Variants in PDE11A observed in about 807,000 individuals in gnomAD.
The protein encoded by PDE11A is phosphodiesterase 11A.
In PDE11A, 100 loss-of-function variants were observed where a neutral mutation model predicts 100.5. The ratio of observed to expected loss-of-function variants is 1.00; its 90% CI spans 0.85 to 1.18. The LOEUF (loss-of-function observed/expected upper bound fraction) is 1.18. Among genes scored for constraint, PDE11A ranks in the 50% most tolerant of loss-of-function variants. The pLI, the probability that PDE11A is intolerant of heterozygous loss-of-function variation, is 0.00. For missense variants in PDE11A, 1,141 were observed against 1,152.6 expected, an observed-to-expected ratio of 0.99 and a Z score of 0.15; for synonymous variants, 381 against 420.8, an observed-to-expected ratio of 0.91 and a Z score of 1.16.
intron 1 of PDE11A, among the ~76,000 whole-genome samples, chr2:178,040,865 A>G (rs2086675252): frequency 6.6e-6 from 1 of 152,200 alleles, no homozygotes; most frequent in African/African-American, 2.4e-5. Context: ...ATAGTGTCTG[A>G]CATGCACGTA....
intron 1 of PDE11A, chr2:178,018,614 AGC>A: frequency 3.1e-6 from 1 of 320,998 alleles, no homozygotes. Context: ...GTGCAATCAT[AGC>A]TCACTTTCAT....
At chr2:177,853,709 TG>T in intron 5 of PDE11A, among the ~76,000 whole-genome samples, 1 of 19,680 alleles carries the variant, frequency 5.1e-5, no homozygotes, top group Non-Finnish European at 1.3e-4. Flanking sequence ...TGTGTGTGTG[TG>T]TGTTTGTGTG....
intron 5 of PDE11A, among the ~76,000 whole-genome samples, chr2:177,873,626 A>G (rs563355423): frequency 1.9e-4 from 29 of 152,276 alleles, no homozygotes; most frequent in African/African-American, 6.7e-4. Context: ...TGCAAGCAAG[A>G]CACAGCGTGG....
chr2:177,794,745 G>C (rs1230030479), intron 9 of PDE11A, among the ~76,000 whole-genome samples: 1 of 152,002 alleles, frequency 6.6e-6, no homozygotes, highest in Non-Finnish European at 1.5e-5. Context: ...AATGTCTGCT[G>C]TTTGTTAATT....
chr2:177,741,971 G>T (rs1383217624), intron 10 of PDE11A, among the ~76,000 whole-genome samples: 1 of 151,562 alleles, frequency 6.6e-6, no homozygotes, highest in South Asian at 2.1e-4. Context: ...GTTCAGGGCT[G>T]CAGTGAGCTA....
In PDE11A at chr2:177,762,143, T is replaced by C. The variant is rs1037312975; in HGVS notation, c.1788+7180A>G. ...GTTTGGAAGGCAGAATGGACGGGAC[T>C]GCATGTGGGGGCGGGCAGTGATGAG... On this transcript the variant is annotated intron_variant, in intron 10 of 19. Coordinates refer to ENST00000286063, the MANE Select transcript of PDE11A (RefSeq NM_016953.4). Among the ~76,000 whole-genome samples, 37 of 152,232 alleles carry C rather than the reference T, an allele frequency of 2.4e-4. No individual in the cohort carries two copies. In the Middle Eastern group the frequency reaches 0.01, roughly 42 times the overall value.
intron 2 of PDE11A, among the ~76,000 whole-genome samples, chr2:178,096,435 A>G (rs1253614742): frequency 6.6e-6 from 1 of 151,548 alleles, no homozygotes; most frequent in Non-Finnish European, 1.5e-5. Context: ...GGCCTCCCAA[A>G]GTGCTGGGAT....
At chr2:177,656,907 G>A (rs1199370263) in intron 19 of PDE11A, among the ~76,000 whole-genome samples, 1 of 152,162 alleles carries the variant, frequency 6.6e-6, no homozygotes, top group Non-Finnish European at 1.5e-5. Flanking sequence ...TAAGGAAGTG[G>A]GCAGGGTGAA....
intron 2 of PDE11A, among the ~76,000 whole-genome samples, chr2:177,990,660 C>T (rs1281160707): frequency 6.6e-6 from 1 of 151,428 alleles, no homozygotes; most frequent in East Asian, 1.9e-4. Flanking sequence ...ATTGCTTGAA[C>T]ACAGGAAGTA....
intron 1 of PDE11A, among the ~76,000 whole-genome samples, chr2:178,032,409 G>A (rs1227391749): frequency 6.6e-5 from 10 of 151,924 alleles, no homozygotes; most frequent in South Asian, 2.1e-4. Context: ...GCTTGAACCC[G>A]GGAGGCAGAG....
At chr2:178,078,575 T>C (rs954792744) in intron 2 of PDE11A, among the ~76,000 whole-genome samples, 1 of 152,140 alleles carries the variant, frequency 6.6e-6, no homozygotes, top group African/African-American at 2.4e-5. Flanking sequence ...AAAAATGAGC[T>C]TCAATGTCAT....
chr2:178,089,974 G>A (rs1427620665), intron 2 of PDE11A, among the ~76,000 whole-genome samples: 4 of 152,208 alleles, frequency 2.6e-5, no homozygotes, highest in African/African-American at 9.7e-5. Context: ...TGGAAGAGCT[G>A]TTGTCCCACC....
intron 2 of PDE11A, among the ~76,000 whole-genome samples, chr2:177,995,459 G>T (rs974209955): frequency 6.6e-6 from 1 of 152,000 alleles, no homozygotes. Flanking sequence ...CACCTGCTTT[G>T]GAATCACAAA....
chr2:178,097,396 C>T (rs1238411272), intron 2 of PDE11A, among the ~76,000 whole-genome samples: 2 of 152,130 alleles, frequency 1.3e-5, no homozygotes, highest in Admixed American at 6.5e-5. Context: ...AGCAAGGTAC[C>T]TTCTTCACAA....
chr2:177,843,361 A>G (rs1022872204), intron 5 of PDE11A, among the ~76,000 whole-genome samples: 7 of 152,214 alleles, frequency 4.6e-5, no homozygotes, highest in African/African-American at 1.7e-4. Context: ...TCACCTAAGA[A>G]CAAATAGGGA....
chr2:177,954,594 A>G (rs1418450842), intron 2 of PDE11A, among the ~76,000 whole-genome samples: 2 of 152,204 alleles, frequency 1.3e-5, no homozygotes, highest in East Asian at 3.8e-4. Context: ...TTTCAATAGA[A>G]AAAGGGATTT....
At chr2:177,804,449 G>A (rs774922864) in intron 9 of PDE11A, among the ~76,000 whole-genome samples, 66 of 151,848 alleles carry the variant, frequency 4.3e-4, no homozygotes, top group Admixed American at 3.2e-3. Context: ...GCAAGGAGGC[G>A]GAGAAAAGGT....
At chr2:177,884,777 G>T (rs914235496) in intron 4 of PDE11A, among the ~76,000 whole-genome samples, 4 of 152,198 alleles carry the variant, frequency 2.6e-5, no homozygotes, top group Admixed American at 6.5e-5. Context: ...GGAGAAAAAT[G>T]TCCTAGTGAG....
intron 1 of PDE11A, among the ~76,000 whole-genome samples, chr2:178,070,922 C>T (rs1559061973): frequency 1.3e-5 from 2 of 152,150 alleles, no homozygotes; most frequent in South Asian, 2.1e-4. Flanking sequence ...GAAACAGTTA[C>T]GATACTAAGA....
Sources: allele counts gnomAD v4.1 joint callset (sites outside exome capture counted in the v4.1 genomes callset), GRCh38; gene constraint gnomAD v4.1.1; transcripts MANE v1.5; gene names NCBI Gene and HGNC (gene_info 2026-07-23, HGNC 2026-07-21).